DCAF6: variants seen among roughly 807,000 people sequenced by gnomAD.
DCAF6 encodes the protein DDB1- and CUL4-associated factor 6.
A neutral mutation model predicts 125.1 loss-of-function variants in DCAF6; 54 were observed. That is an observed-to-expected ratio of 0.43 (90% confidence interval 0.35 to 0.54). The LOEUF (loss-of-function observed/expected upper bound fraction) is 0.54, where lower values mean the gene tolerates loss of function less well. Among genes scored for constraint, DCAF6 ranks in the 20% least tolerant of loss-of-function variants. The pLI is 0.01. For missense variants in DCAF6, 934 were observed against 1,161.7 expected (o/e 0.80, Z 2.85); for synonymous variants, 371 against 390.4 (o/e 0.95, Z 0.58).
At chr1:167,990,440 T>C (rs997816102) in intron 5 of DCAF6, among the ~76,000 whole-genome samples, 2 of 152,204 alleles carry the variant, frequency 1.3e-5, no homozygotes, top group Admixed American at 1.3e-4. Flanking sequence ...ATAGGTAGAT[T>C]ATAACTCCAT....
At chr1:167,998,015 CAT>C (rs899943904) in intron 7 of DCAF6, among the ~76,000 whole-genome samples, 2 of 152,056 alleles carry the variant, frequency 1.3e-5, no homozygotes, top group African/African-American at 4.8e-5. Flanking sequence ...TTTTGACAAA[CAT>C]GTAGAGAAAT....
chr1:167,874,024 G>C, the DCAF6 span, among the ~76,000 whole-genome samples: 1 of 152,148 alleles, frequency 6.6e-6, no homozygotes, highest in African/African-American at 2.4e-5. Context: ...GTGAAAAATT[G>C]TACAGGTACT....
chr1:167,979,272 C>T (rs1678731069), intron 4 of DCAF6, among the ~76,000 whole-genome samples: 1 of 151,980 alleles, frequency 6.6e-6, no homozygotes, highest in African/African-American at 2.4e-5. Context: ...ATGATAGACC[C>T]ATTTACCCAA....
intron 3 of DCAF6, among the ~76,000 whole-genome samples, chr1:167,971,257 C>G (rs1383987047): frequency 6.6e-6 from 1 of 152,188 alleles, no homozygotes; most frequent in East Asian, 1.9e-4. Flanking sequence ...CATCTGTGTT[C>G]CTGTCTTGTG....
At chr1:168,008,123 C>G (rs774031099) in intron 10 of DCAF6, among the ~76,000 whole-genome samples, 1 of 151,820 alleles carries the variant, frequency 6.6e-6, no homozygotes, top group African/African-American at 2.4e-5. Flanking sequence ...GTTCCTGCCA[C>G]CACACCCAGC....
chr1:167,909,857 C>G, the DCAF6 span, among the ~76,000 whole-genome samples: 1 of 152,144 alleles, frequency 6.6e-6, no homozygotes, highest in African/African-American at 2.4e-5. Flanking sequence ...CTTACTGTCT[C>G]TTGTCTCTGA....
intron 1 of DCAF6, among the ~76,000 whole-genome samples, chr1:167,947,451 G>A (rs1013691546): frequency 8.6e-5 from 13 of 151,664 alleles, no homozygotes; most frequent in African/African-American, 3.1e-4. Flanking sequence ...TCCTCGAGGT[G>A]CGTTCTTAGA....
chr1:167,913,975 C>G, the DCAF6 span: 1 of 152,368 alleles, frequency 6.6e-6, no homozygotes, highest in Non-Finnish European at 1.5e-5. Flanking sequence ...CTTCCACATA[C>G]CTCCACTTCA....
chr1:167,943,386 C>T (rs1191301780), intron 1 of DCAF6, among the ~76,000 whole-genome samples: 1 of 152,162 alleles, frequency 6.6e-6, no homozygotes, highest in Non-Finnish European at 1.5e-5. Flanking sequence ...ATCTTCTCAT[C>T]TGTGGTTCTG....
chr1:167,905,113 C>G, the DCAF6 span: 1 of 1,614,004 alleles, frequency 6.2e-7, no homozygotes, highest in Admixed American at 1.7e-5. Context: ...ATGGGCCAGT[C>G]CTGGAATTCT....
intron 2 of DCAF6, among the ~76,000 whole-genome samples, chr1:167,964,038 A>G (rs1360810821): frequency 6.6e-6 from 1 of 152,230 alleles, no homozygotes; most frequent in East Asian, 1.9e-4. Flanking sequence ...GATCAAATAC[A>G]TTGTTGCTGT....
chr1:167,886,037 G>A, the DCAF6 span, among the ~76,000 whole-genome samples: 60 of 152,252 alleles, frequency 3.9e-4, 1 homozygote, highest in African/African-American at 1.2e-3. Context: ...ACTGCTCAAC[G>A]AAGTAAAAGA....
chr1:168,047,585 G>A (rs867892179), intron 16 of DCAF6, among the ~76,000 whole-genome samples: 1 of 152,072 alleles, frequency 6.6e-6, no homozygotes, highest in Non-Finnish European at 1.5e-5. Context: ...ACAGAAGAAC[G>A]ATAAAATTCT....
chr1:168,002,843 C>T (rs1370059153), intron 8 of DCAF6, among the ~76,000 whole-genome samples: 2 of 152,044 alleles, frequency 1.3e-5, no homozygotes, highest in African/African-American at 4.8e-5. Context: ...TAAGAATGCC[C>T]ATTACCCCAT....
chr1:167,918,433 C>T, the DCAF6 span: 158 of 943,634 alleles, frequency 1.7e-4, 2 homozygotes, highest in East Asian at 3.0e-3. Context: ...GAATGGGAAG[C>T]ATACTCCATT....
chr1:167,991,062 T>G, intron 5 of DCAF6, 142 bp from the exon 6 acceptor site: 1 of 616,736 alleles, frequency 1.6e-6, no homozygotes, highest in Non-Finnish European at 2.5e-6. Context: ...AAAGCCGTAT[T>G]GTTTTTCCGC....
the DCAF6 span, among the ~76,000 whole-genome samples, chr1:167,925,307 CCCT>C: frequency 6.6e-6 from 1 of 151,218 alleles, no homozygotes; most frequent in Non-Finnish European, 1.5e-5. Flanking sequence ...ATACTTGTAC[CCCT>C]ATTACCTAAT....
chr1:167,931,827 A>T (rs867740251), upstream of DCAF6, among the ~76,000 whole-genome samples: 4 of 152,274 alleles, frequency 2.6e-5, no homozygotes, highest in Middle Eastern at 3.4e-3. Context: ...CCTTATAAAC[A>T]CTGATAACAT....
In DCAF6 at chr1:168,065,767, C is replaced by T. The variant is rs757362257; in HGVS notation, c.2596+21C>T. ...CCCAAGTAAGATATCTTTTCTAGGACGAGGGCTAGAAATTATTTGTATGAC... is the reference window on the plus strand; with the variant it reads ...CCCAAGTAAGATATCTTTTCTAGGATGAGGGCTAGAAATTATTTGTATGAC... On this transcript the variant is annotated intron_variant, in intron 19 of 21. Transcript: ENST00000367840. The T allele has an allele frequency of 2.9e-5, 46 of 1,600,892 alleles. No homozygotes were observed. In the East Asian group the frequency reaches 4.9e-4, roughly 17 times the overall value.
Sources: gnomAD v4.1 joint callset for allele counts (sites outside exome capture counted in the v4.1 genomes callset) on GRCh38, gnomAD v4.1.1 for gene constraint, MANE v1.5 for transcripts, NCBI Gene and HGNC (gene_info 2026-07-23, HGNC 2026-07-21) for gene names.